The following SNX29 variants were observed in gnomAD, a reference collection of about 807,000 sequenced individuals.
SNX29 encodes the protein sorting nexin-29.
SNX29 carries 78 observed loss-of-function variants against 102.1 expected under a neutral mutation model. The observed-to-expected ratio is 0.76, with a 90% CI of 0.64 to 0.92. The LOEUF is 0.92. Among genes scored for constraint, SNX29 ranks in the 40% least tolerant of loss-of-function variants. SNX29 has a pLI of 0.00. For synonymous variants in SNX29, 580 were observed against 414.5 expected (o/e 1.40, Z -4.85); for missense variants, 1,280 against 1,061.7 (o/e 1.21, Z -2.86).
intron 14 of SNX29, among the ~76,000 whole-genome samples, chr16:12,209,365 T>G (rs570469409): frequency 6.6e-6 from 1 of 152,170 alleles, no homozygotes; most frequent in East Asian, 1.9e-4. Context: ...CATTTTTGTA[T>G]TTTTAGTAGA....
chr16:12,462,501 TAAAC>T (rs1383286465), intron 18 of SNX29, among the ~76,000 whole-genome samples: 3 of 152,220 alleles, frequency 2.0e-5, no homozygotes, highest in Admixed American at 6.5e-5. Context: ...TGAAAGAAGA[TAAAC>T]AAAATAAAAA....
In SNX29 at chr16:12,568,317, ATGG is replaced by A. The variant is rs1567224347; in HGVS notation, c.2319-188_2319-186del. On this transcript the variant is annotated intron_variant, in intron 20 of 20. Transcript: ENST00000566228. Reference sequence around the variant, plus strand: ...TCGGAGTGCTGTTAAAAAAAAAAAAATGGAAAGGTTTACGTGACAATAGGGGTT... The same window carrying A: ...TCGGAGTGCTGTTAAAAAAAAAAAAAAAAGGTTTACGTGACAATAGGGGTT... Among the ~76,000 whole-genome samples, 89 of 150,818 alleles carry A rather than the reference ATGG, an allele frequency of 5.9e-4. 1 individual carries two copies. Among genetic ancestry groups the A allele is most frequent in the African/African-American group, 2.0e-3 (84 of 40,994 alleles).
At chr16:12,060,372 G>T (rs150693444) in intron 8 of SNX29, among the ~76,000 whole-genome samples, 1 of 152,210 alleles carries the variant, frequency 6.6e-6, no homozygotes, top group East Asian at 1.9e-4. Flanking sequence ...CAGGAGGATC[G>T]CTTGAGGCTA....
chr16:12,549,682 C>G (rs999191201), intron 20 of SNX29, among the ~76,000 whole-genome samples: 1 of 152,240 alleles, frequency 6.6e-6, no homozygotes, highest in African/African-American at 2.4e-5. Flanking sequence ...GGCCCGGCAT[C>G]TTGATGTCGC....
intron 13 of SNX29, among the ~76,000 whole-genome samples, chr16:12,191,466 T>C (rs2076640339): frequency 6.6e-6 from 1 of 152,182 alleles, no homozygotes; most frequent in Admixed American, 6.5e-5. Flanking sequence ...AAAGCTTTGC[T>C]TACACCTTTC....
chr16:12,568,744 G>A lies in SNX29; in HGVS notation c.*115G>A, dbSNP rs970648755. The A allele has an allele frequency of 3.2e-5, 46 of 1,436,306 alleles. No individual in the cohort carries two copies. Among genetic ancestry groups the A allele is most frequent in the Non-Finnish European group, 4.1e-5 (44 of 1,077,766 alleles). 89.0% of individuals were successfully genotyped at this position (1,436,306 alleles called of 1,614,324 possible). The stretch of plus-strand genomic sequence containing the variant: ...AACCACGTCCACCTGGTGATCCTGA[G>A]AGCACACGATTCCCAACAGTTACAC... On this transcript the variant is annotated 3_prime_UTR_variant, in exon 21 of 21. Coordinates refer to ENST00000566228, the MANE Select transcript of SNX29 (RefSeq NM_032167.5).
At chr16:12,322,147 T>C (rs1490586115) in intron 15 of SNX29, among the ~76,000 whole-genome samples, 1 of 152,140 alleles carries the variant, frequency 6.6e-6, no homozygotes, top group Non-Finnish European at 1.5e-5. Context: ...TGAGAACAAA[T>C]GCTTGTCCCT....
Position 12,241,938 on chromosome 16 carries a change from C to T in SNX29, c.1679-35995C>T, listed in dbSNP as rs1027375088. On this transcript the variant is annotated intron_variant, in intron 14 of 20. Transcript: ENST00000566228. ...GGGCTCCTGCCTCTGTGCCAGGAGG[C>T]TGTGCTCAGGTTCCTGGGGTTGCGC... Among the ~76,000 whole-genome samples, 6 of 152,236 alleles carry T rather than the reference C, an allele frequency of 3.9e-5. 1 individual carries two copies. The South Asian group carries it at 6.2e-4, about 16-fold the overall frequency.
intron 13 of SNX29, among the ~76,000 whole-genome samples, chr16:12,150,273 A>G (rs1249617840): frequency 1.3e-5 from 2 of 152,204 alleles, no homozygotes; most frequent in Non-Finnish European, 2.9e-5. Context: ...GATGATGGTC[A>G]GATCCAAAGC....
At chr16:12,536,311 G>T (rs948287192) in intron 20 of SNX29, among the ~76,000 whole-genome samples, 1 of 152,096 alleles carries the variant, frequency 6.6e-6, no homozygotes, top group Non-Finnish European at 1.5e-5. Context: ...GGGAAGACAG[G>T]TTGAGAAATT....
Position 12,406,601 on chromosome 16 carries a change from T to G in SNX29, c.2037+3072T>G, listed in dbSNP as rs115592750. Among the ~76,000 whole-genome samples, 343 of 152,272 alleles carry G rather than the reference T, an allele frequency of 2.3e-3. 2 individuals are homozygous for G. Among genetic ancestry groups the G allele is most frequent in the African/African-American group, 8.0e-3 (334 of 41,550 alleles). On this transcript the variant is annotated intron_variant, in intron 18 of 20. Coordinates refer to ENST00000566228, the MANE Select transcript of SNX29 (RefSeq NM_032167.5). ...TCCTAGCCATGTGTGGCTCTTGAGA[T>G]TTATATTAATTAAAATGAGATTTAT...
intron 14 of SNX29, among the ~76,000 whole-genome samples, chr16:12,275,069 G>C (rs142185771): frequency 2.1e-3 from 314 of 152,154 alleles, no homozygotes; most frequent in African/African-American, 7.4e-3. Context: ...TTCTCAAATG[G>C]GATGTGATTT....
intron 14 of SNX29, among the ~76,000 whole-genome samples, chr16:12,218,983 C>A (rs1221055773): frequency 6.6e-6 from 1 of 152,068 alleles, no homozygotes; most frequent in East Asian, 1.9e-4. Context: ...ACTGTGTTAG[C>A]CAGGTTGGTC....
At chr16:12,030,311 T>C (rs2057303667) in intron 4 of SNX29, among the ~76,000 whole-genome samples, 2 of 152,228 alleles carry the variant, frequency 1.3e-5, no homozygotes, top group Non-Finnish European at 2.9e-5. Context: ...TTGAACTCTG[T>C]CTCATGAATG....
intron 20 of SNX29, among the ~76,000 whole-genome samples, chr16:12,556,841 AT>A (rs1369553219): frequency 1.2e-4 from 19 of 152,086 alleles, no homozygotes; most frequent in African/African-American, 4.6e-4. Context: ...CAGAAGTTTG[AT>A]GGTGGAAAAA....
intron 16 of SNX29, among the ~76,000 whole-genome samples, chr16:12,376,232 C>T (rs1479779472): frequency 6.6e-6 from 1 of 152,118 alleles, no homozygotes; most frequent in African/African-American, 2.4e-5. Context: ...ACAGCCCCCA[C>T]GCCACGTCCC....
chr16:12,034,390 A>G (rs1260211834), intron 4 of SNX29, among the ~76,000 whole-genome samples: 11 of 152,182 alleles, frequency 7.2e-5, no homozygotes, highest in Non-Finnish European at 1.2e-4. Context: ...AAGCCTTGGA[A>G]GGATGTCTGC....
At chr16:12,328,296 C>T (rs894843376) in intron 15 of SNX29, among the ~76,000 whole-genome samples, 1 of 152,180 alleles carries the variant, frequency 6.6e-6, no homozygotes, top group African/African-American at 2.4e-5. Context: ...TATCTCTTGG[C>T]CTTTCAGCTA....
intron 19 of SNX29, among the ~76,000 whole-genome samples, chr16:12,478,337 C>G (rs990995297): frequency 1.3e-5 from 2 of 152,196 alleles, no homozygotes; most frequent in Non-Finnish European, 2.9e-5. Context: ...AGTTTTCATC[C>G]GTAGTTGTCA....
Sources: gnomAD v4.1 joint callset for allele counts (sites outside exome capture counted in the v4.1 genomes callset) on GRCh38, gnomAD v4.1.1 for gene constraint, MANE v1.5 for transcripts, NCBI Gene and HGNC (gene_info 2026-07-23, HGNC 2026-07-21) for gene names.